SLC68A1: variants seen among roughly 807,000 people sequenced by gnomAD.
SLC68A1 encodes the protein solute carrier family 68 member 1.
the SLC68A1 span, among the ~76,000 whole-genome samples, chr10:102,474,894 C>A: frequency 6.6e-6 from 1 of 151,928 alleles, no homozygotes; most frequent in Non-Finnish European, 1.5e-5. Flanking sequence ...GTGATCCACC[C>A]ACCTTGGCCT....
At chr10:102,465,150 T>G in the SLC68A1 span, among the ~76,000 whole-genome samples, 2 of 151,818 alleles carry the variant, frequency 1.3e-5, no homozygotes, top group African/African-American at 4.8e-5. Flanking sequence ...TCCCAGCTAC[T>G]CAGGAGGCTG....
the SLC68A1 span, chr10:102,472,056 G>A: frequency 2.0e-5 from 9 of 455,368 alleles, no homozygotes; most frequent in South Asian, 1.1e-4. Context: ...CCAGCACTTC[G>A]GGACGCCAAG....
At chr10:102,470,305 G>C in the SLC68A1 span, among the ~76,000 whole-genome samples, 1 of 152,198 alleles carries the variant, frequency 6.6e-6, no homozygotes, top group East Asian at 1.9e-4. Flanking sequence ...GGCTTGGCTT[G>C]GTTGGCCCCT....
chr10:102,476,402 A>G, the SLC68A1 span: 2 of 537,802 alleles, frequency 3.7e-6, no homozygotes, highest in Non-Finnish European at 4.8e-6. Flanking sequence ...ACAGGGTTTC[A>G]CCACATTGGC....
At chr10:102,469,808 A>G in the SLC68A1 span, 19 of 983,974 alleles carry the variant, frequency 1.9e-5, 1 homozygote, top group African/African-American at 1.9e-4. Context: ...CGGCCTCCCA[A>G]AGTGCTGGTG....
At chr10:102,476,563 CAT>C in the SLC68A1 span, 2 of 986,088 alleles carry the variant, frequency 2.0e-6, no homozygotes, top group African/African-American at 3.5e-5. Context: ...GCCTGGAAGA[CAT>C]GGCAGCGGGT....
At chr10:102,464,164 GATC>G in the SLC68A1 span, among the ~76,000 whole-genome samples, 17 of 152,322 alleles carry the variant, frequency 1.1e-4, no homozygotes, top group African/African-American at 3.8e-4. Flanking sequence ...GATCTTTAAA[GATC>G]ATGAAACCAC....
chr10:102,475,952 C>T, the SLC68A1 span: 1 of 1,612,144 alleles, frequency 6.2e-7, no homozygotes. Flanking sequence ...GAACCTGTCA[C>T]AGGCCCAAAC....
the SLC68A1 span, chr10:102,466,044 G>A: frequency 3.9e-5 from 6 of 152,130 alleles, no homozygotes; most frequent in Non-Finnish European, 7.3e-5. Flanking sequence ...CCTGAGGAAG[G>A]AGCCCGATTA....
chr10:102,471,230 C>T, the SLC68A1 span: 1 of 1,602,754 alleles, frequency 6.2e-7, no homozygotes, highest in Non-Finnish European at 8.5e-7. Flanking sequence ...GGGGATAACT[C>T]TGGCCAGCCC....
chr10:102,472,737 C>T, the SLC68A1 span: 30 of 796,328 alleles, frequency 3.8e-5, no homozygotes, highest in African/African-American at 3.4e-4. Context: ...GGCCTGCTCT[C>T]GCTCTTGCTG....
the SLC68A1 span, among the ~76,000 whole-genome samples, chr10:102,474,443 C>G: frequency 6.6e-6 from 1 of 152,080 alleles, no homozygotes; most frequent in Non-Finnish European, 1.5e-5. Flanking sequence ...GGGAAGGCCT[C>G]TCCGAGAAGG....
At chr10:102,476,052 G>GTTTTTTTTT in the SLC68A1 span, 1 of 669,192 alleles carries the variant, frequency 1.5e-6, no homozygotes, top group Non-Finnish European at 2.0e-6. Flanking sequence ...GTTTTTTTTG[G>GTTTTTTTTT]TTTTTTTTTT....
the SLC68A1 span, among the ~76,000 whole-genome samples, chr10:102,475,440 G>A: frequency 2.6e-5 from 4 of 152,162 alleles, no homozygotes; most frequent in Non-Finnish European, 1.5e-5. Flanking sequence ...GATACGTTTT[G>A]GAGTTGGGGG....
the SLC68A1 span, chr10:102,470,866 C>T: frequency 6.2e-7 from 1 of 1,613,388 alleles, no homozygotes; most frequent in Non-Finnish European, 8.5e-7. Context: ...TGCTGGCCGA[C>T]CTGGCCCTCT....
At chr10:102,475,912 A>T in the SLC68A1 span, 2 of 1,613,760 alleles carry the variant, frequency 1.2e-6, no homozygotes, top group Non-Finnish European at 1.7e-6. Context: ...TGCATGGGAG[A>T]CGCCTGCACA....
At chr10:102,464,148 G>A in the SLC68A1 span, among the ~76,000 whole-genome samples, 44 of 152,308 alleles carry the variant, frequency 2.9e-4, no homozygotes, top group Admixed American at 4.6e-4. Flanking sequence ...GCCCCACCTA[G>A]TGACTGATCT....
At chr10:102,476,917 G>T in the SLC68A1 span, 1 of 985,664 alleles carries the variant, frequency 1.0e-6, no homozygotes, top group Middle Eastern at 5.2e-4. Flanking sequence ...TCTCTGAGAG[G>T]TTTCTCTGCT....
the SLC68A1 span, among the ~76,000 whole-genome samples, chr10:102,461,685 C>T: frequency 3.3e-5 from 5 of 152,160 alleles, no homozygotes; most frequent in Admixed American, 2.0e-4. Context: ...AAAGGCTCTC[C>T]GGGGGTCTGG....
Sources: allele counts gnomAD v4.1 joint callset (sites outside exome capture counted in the v4.1 genomes callset), GRCh38; gene constraint gnomAD v4.1.1; transcripts MANE v1.5; gene names NCBI Gene and HGNC (gene_info 2026-07-23, HGNC 2026-07-21).